The following TRANK1 variants were observed in gnomAD, a reference collection of about 807,000 sequenced individuals.
TRANK1 encodes tetratricopeptide repeat and ankyrin repeat containing 1.
In TRANK1, 198 loss-of-function variants were observed where a neutral mutation model predicts 266.0. The ratio of observed to expected loss-of-function variants is 0.74; its 90% confidence interval spans 0.66 to 0.84. The LOEUF is 0.84. TRANK1 is among the 40% of genes least tolerant of loss of function. The probability of loss-of-function intolerance (pLI) is 0.00; values close to 1 mark genes in which losing one functional copy is unlikely to be tolerated. For missense variants in TRANK1, 3,326 were observed against 3,634.6 expected (o/e 0.92, Z 2.18); for synonymous variants, 1,396 against 1,384.1 (o/e 1.01, Z -0.19).
chr3:36,873,326 A>G (rs1373389475), intron 9 of TRANK1, among the ~76,000 whole-genome samples: 2 of 152,216 alleles, frequency 1.3e-5, no homozygotes, highest in Admixed American at 6.5e-5. Context: ...TCAAGGAGGA[A>G]ATCTATGTGG....
At chr3:36,865,637 T>A (rs1048578930) in intron 9 of TRANK1, among the ~76,000 whole-genome samples, 4 of 152,106 alleles carry the variant, frequency 2.6e-5, no homozygotes, top group Admixed American at 2.6e-4. Flanking sequence ...TTTGGGAGGC[T>A]GAAACGGGTG....
Position 36,842,783 on chromosome 3 carries a change from T to C in TRANK1, c.5192-73A>G, listed in dbSNP as rs529815896. 64 of 1,285,760 alleles carry C rather than the reference T, an allele frequency of 5.0e-5. No homozygotes were observed. In the East Asian group the frequency reaches 1.4e-3, roughly 29 times the overall value. 79.6% of individuals were successfully genotyped at this position (1,285,760 alleles called of 1,614,324 possible). A position where few individuals can be genotyped will look rare whatever the true frequency, so the allele number is the denominator to read the frequency against. ...CTTAAAACTGTTGTTATGGGCTGAG[T>C]TGCATCTCCTCCGCCAGCCATCAAA... On this transcript the variant is annotated intron_variant, in intron 17 of 23. Coordinates refer to ENST00000645898, the MANE Select transcript of TRANK1 (RefSeq NM_001329998.2).
chr3:36,849,537 T>G (rs894277732), intron 15 of TRANK1, among the ~76,000 whole-genome samples: 3 of 152,128 alleles, frequency 2.0e-5, no homozygotes, highest in African/African-American at 7.2e-5. Context: ...TAACAGCTGC[T>G]TCAAAGACAG....
intron 2 of TRANK1, among the ~76,000 whole-genome samples, chr3:36,904,617 T>C (rs980489378): frequency 6.6e-6 from 1 of 151,856 alleles, no homozygotes; most frequent in Admixed American, 6.6e-5. Flanking sequence ...CACAAAAATA[T>C]TAATAAACAA....
At chr3:36,890,270 A>G (rs1450804715) in intron 7 of TRANK1, among the ~76,000 whole-genome samples, 1 of 152,192 alleles carries the variant, frequency 6.6e-6, no homozygotes, top group East Asian at 1.9e-4. Context: ...AAGAGATAGC[A>G]TGAGAGAGAG....
At chr3:36,933,243 C>T (rs1167987416) in intron 1 of TRANK1, among the ~76,000 whole-genome samples, 1 of 152,190 alleles carries the variant, frequency 6.6e-6, no homozygotes, top group East Asian at 1.9e-4. Flanking sequence ...ACGGCCTGAA[C>T]CCAGCCAATG....
intron 13 of TRANK1, 72 bp from the exon 14 acceptor site, chr3:36,852,417 G>A: frequency 7.2e-7 from 1 of 1,389,410 alleles, no homozygotes; most frequent in East Asian, 2.5e-5. Flanking sequence ...TTGGGGTGGG[G>A]GACATGTTTT....
intron 9 of TRANK1, among the ~76,000 whole-genome samples, chr3:36,869,001 G>C (rs921941859): frequency 1.3e-5 from 2 of 152,216 alleles, no homozygotes; most frequent in African/African-American, 4.8e-5. Flanking sequence ...TGGTCCCAAG[G>C]AAAGAGCTGA....
rs141271743 is a variant in TRANK1, at chr3:36,857,734, T to C, written c.1988A>G (p.His663Arg). ...RRRSRQDSAA[H>R]LGKLSKSTAP... ...AGTGGACTTTGAGAGCTTCCCCAGG[T>C]GGGCAGCAGAGTCCTGCCGGCTCCT... The change falls in exon 13 of 24, where the codon CAC (histidine) becomes CGC (arginine). Residue 663 changes from histidine to arginine, a missense_variant. Physicochemically the swap from His to Arg is conservative, Grantham distance 29. Coordinates refer to ENST00000645898, the MANE Select transcript of TRANK1 (RefSeq NM_001329998.2). This position sits in a 1 kb window ranked among gnomAD's most constrained non-coding sequence, Gnocchi z 4.3. 1.5e-5 allele frequency: 24 copies of C among 1,613,966 alleles called. No individual in the cohort carries two copies. The East Asian group carries it at 4.9e-4, about 33-fold the overall frequency.
intron 9 of TRANK1, among the ~76,000 whole-genome samples, chr3:36,867,938 A>G (rs1203452982): frequency 6.6e-6 from 1 of 152,198 alleles, no homozygotes; most frequent in Admixed American, 6.5e-5. Flanking sequence ...CTAAGTACTC[A>G]GGTTTCCTCC....
Position 36,856,000 on chromosome 3 carries a change from G to GGA in TRANK1, c.3720_3721dup (p.Pro1241LeufsTer24). On this transcript the variant is annotated frameshift_variant, in exon 13 of 24. Transcript: ENST00000645898. LOFTEE classifies it high-confidence loss of function. ...CAGCTGCTTGGAAGTGACAAACAGA[G>GGA]GAAAGTTCTCGTCCCTCAGGTCCTG... 6.2e-7 allele frequency: 1 copy of GGA among 1,613,786 alleles called. No individual in the cohort carries two copies. The highest frequency in any genetic ancestry group is 8.5e-7 in the Non-Finnish European group (1 of 1,179,870).
At chr3:36,863,812 G>A (rs549323018) in intron 10 of TRANK1, among the ~76,000 whole-genome samples, 23 of 152,220 alleles carry the variant, frequency 1.5e-4, no homozygotes, top group African/African-American at 5.3e-4. Flanking sequence ...ATGCCTTCTT[G>A]CACTCTTTGT....
At chr3:36,925,232 C>T (rs2080271749) in intron 1 of TRANK1, among the ~76,000 whole-genome samples, 1 of 152,000 alleles carries the variant, frequency 6.6e-6, no homozygotes, top group African/African-American at 2.4e-5. Flanking sequence ...TTTTATTGTT[C>T]TTTTTAAAAC....
intron 21 of TRANK1, among the ~76,000 whole-genome samples, chr3:36,834,167 G>A (rs950551507): frequency 6.6e-6 from 1 of 152,222 alleles, no homozygotes; most frequent in Non-Finnish European, 1.5e-5. Context: ...ATGAAATATA[G>A]TGGAGGTGTA....
At chr3:36,883,786 C>T (rs28532770) in intron 8 of TRANK1, among the ~76,000 whole-genome samples, 3,946 of 152,056 alleles carry the variant, frequency 0.026, 152 homozygotes, top group African/African-American at 0.087. Context: ...CCTTCATATA[C>T]CCAAAATATA....
Position 36,827,628 on chromosome 3 carries a change from C to T in TRANK1, c.*647G>A, listed in dbSNP as rs2078646154. On this transcript the variant is annotated 3_prime_UTR_variant, in exon 24 of 24. Transcript: ENST00000645898. ...ACATTCTGAGGTAGTCTAACTGTGA[C>T]TTGGCACAGGTAGCTAAGAATGATC... 1 of 152,396 alleles carries T rather than the reference C, an allele frequency of 6.6e-6. No homozygotes were observed. Among genetic ancestry groups the T allele is most frequent in the African/African-American group, 2.4e-5 (1 of 41,428 alleles). 9.4% of individuals were successfully genotyped at this position (152,396 alleles called of 1,614,324 possible).
chr3:36,915,159 G>A (rs1044424350), intron 1 of TRANK1, among the ~76,000 whole-genome samples: 1 of 151,866 alleles, frequency 6.6e-6, no homozygotes, highest in Non-Finnish European at 1.5e-5. Flanking sequence ...CACTGTGTTA[G>A]CCAGGATGGT....
intron 1 of TRANK1, among the ~76,000 whole-genome samples, chr3:36,940,080 C>A (rs1488080334): frequency 6.6e-6 from 1 of 151,478 alleles, no homozygotes; most frequent in East Asian, 2.0e-4. Flanking sequence ...TTAATGGAGA[C>A]AGGGTTTCAC....
intron 8 of TRANK1, among the ~76,000 whole-genome samples, chr3:36,886,100 G>A (rs2079599595): frequency 6.7e-6 from 1 of 148,322 alleles, no homozygotes; most frequent in African/African-American, 2.5e-5. Flanking sequence ...ATTGAAGGAA[G>A]AAAAGGCCCT....
Sources: gnomAD v4.1 joint callset for allele counts (sites outside exome capture counted in the v4.1 genomes callset) on GRCh38, gnomAD v4.1.1 for gene constraint, Gnocchi (gnomAD v3.1) non-coding constraint, MANE v1.5 for transcripts, NCBI Gene and HGNC (gene_info 2026-07-23, HGNC 2026-07-21) for gene names.